TMEM164: variants seen among roughly 807,000 people sequenced by gnomAD.
TMEM164 encodes transmembrane protein 164.
TMEM164 carries 4 observed loss-of-function variants against 18.8 expected under a neutral mutation model. That is an observed-to-expected ratio of 0.21 (90% confidence interval 0.10 to 0.49). TMEM164 has a LOEUF of 0.49. Ranked by LOEUF, TMEM164 falls within the 20% of genes least tolerant of loss-of-function variation. TMEM164 has a pLI of 0.98. For synonymous variants in TMEM164, 86 were observed against 101.7 expected, an observed-to-expected ratio of 0.85 and a Z score of 0.93; for missense variants, 108 against 239.9, an observed-to-expected ratio of 0.45 and a Z score of 3.63.
At chrX:110,084,589 C>T (rs1200114835) in intron 3 of TMEM164, among the ~76,000 whole-genome samples, 1 of 101,540 alleles carries the variant, frequency 9.8e-6, no homozygotes, top group Admixed American at 1.1e-4. Context: ...TGCAGTGAGC[C>T]GAGATTGTGC....
chrX:110,109,504 C>T (rs776531504), intron 4 of TMEM164, among the ~76,000 whole-genome samples: 7 of 111,918 alleles, frequency 6.3e-5, no homozygotes, highest in African/African-American at 1.6e-4. Context: ...GGCGACAGAG[C>T]GAGACTCGGT....
intron 3 of TMEM164, among the ~76,000 whole-genome samples, chrX:110,084,032 G>A (rs2065796736): frequency 9.0e-6 from 1 of 110,884 alleles, no homozygotes; most frequent in Admixed American, 9.8e-5. Flanking sequence ...AGCAGTACTA[G>A]CAGGAGTCCT....
chrX:110,132,150 C>A lies in TMEM164; in HGVS notation c.508-12648C>A, dbSNP rs542790406. On this transcript the variant is annotated intron_variant, in intron 4 of 6. Transcript: ENST00000372068. ...CCATAGGCAAATTATTTCACTGAAA[C>A]CCTATCCCTTTTTCTTTTAAAATGG... 3.1e-4 allele frequency among the ~76,000 whole-genome samples: 35 copies of A among 112,211 alleles called. 1 individual carries two copies. In the East Asian group the frequency reaches 9.2e-3, roughly 30 times the overall value.
At chrX:110,032,414 A>G (rs1934557316) in intron 2 of TMEM164, among the ~76,000 whole-genome samples, 1 of 111,588 alleles carries the variant, frequency 9.0e-6, no homozygotes, top group Non-Finnish European at 1.9e-5. Flanking sequence ...AACTGACACA[A>G]TGGTATCCTG....
At chrX:110,022,893 G>A (rs186597344) in intron 2 of TMEM164, among the ~76,000 whole-genome samples, 56 of 112,120 alleles carry the variant, frequency 5.0e-4, no homozygotes, top group African/African-American at 1.5e-3. Flanking sequence ...GTTCAAGCCC[G>A]TCGTTTTGCA....
chrX:110,171,179 G>T (rs776543966), intron 5 of TMEM164, among the ~76,000 whole-genome samples: 1 of 111,928 alleles, frequency 8.9e-6, no homozygotes, highest in Non-Finnish European at 1.9e-5. Context: ...CCACTTTTAT[G>T]ATTAAAAAAA....
intron 5 of TMEM164, among the ~76,000 whole-genome samples, chrX:110,164,650 T>C (rs58437614): frequency 0.051 from 5,647 of 110,247 alleles, 365 homozygotes; most frequent in African/African-American, 0.18. Flanking sequence ...TAACAAGAAA[T>C]CTGATGAGTG....
intron 5 of TMEM164, 52 bp from the exon 6 acceptor site, chrX:110,171,368 G>T: frequency 1.1e-6 from 1 of 943,124 alleles, no homozygotes; most frequent in Non-Finnish European, 1.5e-6. Flanking sequence ...ATGGTACAAA[G>T]GTGAAGTGGG....
intron 4 of TMEM164, among the ~76,000 whole-genome samples, chrX:110,126,172 G>A (rs755327505): frequency 4.8e-5 from 4 of 83,648 alleles, no homozygotes; most frequent in African/African-American, 2.0e-4. Flanking sequence ...TGCCTGGTTC[G>A]TCTCTGCTGC....
intron 2 of TMEM164, among the ~76,000 whole-genome samples, chrX:110,050,080 A>G (rs1252345559): frequency 2.7e-5 from 3 of 111,946 alleles, no homozygotes; most frequent in African/African-American, 9.8e-5. Context: ...CAAACCATCA[A>G]TGCTTTGCCC....
chrX:110,109,244 G>A (rs770257327), intron 4 of TMEM164, 98 bp downstream of exon 4: 66 of 843,588 alleles, frequency 7.8e-5, no homozygotes, highest in African/African-American at 6.4e-4. Flanking sequence ...CTGGCCAGGC[G>A]CGGTGGCTCA....
intron 2 of TMEM164, among the ~76,000 whole-genome samples, chrX:110,022,065 G>A (rs1933905468): frequency 9.0e-6 from 1 of 111,574 alleles, no homozygotes; most frequent in Non-Finnish European, 1.9e-5. Context: ...TTAGATAATT[G>A]ATTACACTTG....
rs920558198 is a variant in TMEM164, at chrX:110,064,698, G to A, written c.391-2649G>A. Among the ~76,000 whole-genome samples the A allele has an allele frequency of 1.5e-4, 16 of 110,332 alleles. No individual in the cohort carries two copies. In the Admixed American group the frequency reaches 1.5e-3, roughly 10 times the overall value. On this transcript the variant is annotated intron_variant, in intron 2 of 6. Coordinates refer to ENST00000372068, the MANE Select transcript of TMEM164 (RefSeq NM_032227.4). ...GCAGATTTGAAAAAGGACCCTAGAG[G>A]CCAGGCACAGTGATAAACCTGTAAT...
intron 2 of TMEM164, among the ~76,000 whole-genome samples, chrX:110,017,562 T>C (rs1487149475): frequency 3.9e-5 from 3 of 77,789 alleles, no homozygotes. Context: ...TTCCTTCCTT[T>C]CTTTCTTTCA....
At chrX:110,013,897 T>C (rs1045382166) in intron 2 of TMEM164, among the ~76,000 whole-genome samples, 1 of 111,485 alleles carries the variant, frequency 9.0e-6, no homozygotes, top group Non-Finnish European at 1.9e-5. Flanking sequence ...AAGATCATAG[T>C]GGTGTATTGG....
At chrX:110,012,329 T>C (rs146086718) in intron 2 of TMEM164, among the ~76,000 whole-genome samples, 3,776 of 112,031 alleles carry the variant, frequency 0.034, 154 homozygotes, top group African/African-American at 0.12. Context: ...TAATTCAAAA[T>C]GCCCATCTCA....
chrX:110,100,151 T>A (rs981317847), intron 3 of TMEM164, among the ~76,000 whole-genome samples: 3 of 111,549 alleles, frequency 2.7e-5, no homozygotes, highest in African/African-American at 6.5e-5. Flanking sequence ...CAGTTTTACT[T>A]CTTCCTTTTC....
At chrX:110,016,845 T>G (rs1410804455) in intron 2 of TMEM164, among the ~76,000 whole-genome samples, 3 of 110,601 alleles carry the variant, frequency 2.7e-5, no homozygotes, top group Non-Finnish European at 5.7e-5. Context: ...TTTGTAGAGA[T>G]GGGGTCTTGC....
rs192299730 is a variant in TMEM164, at chrX:110,150,607, G to A, written c.586+5731G>A. On this transcript the variant is annotated intron_variant, in intron 5 of 6. Transcript: ENST00000372068. Reference sequence around the variant, plus strand: ...ATATAGTTCCCTGCTACAACTCCACGAGTAACTACTATTTTTGGTTTTTGT... The same window carrying A: ...ATATAGTTCCCTGCTACAACTCCACAAGTAACTACTATTTTTGGTTTTTGT... Among the ~76,000 whole-genome samples, 312 of 112,254 alleles carry A rather than the reference G, an allele frequency of 2.8e-3. 1 individual carries two copies. The highest frequency in any genetic ancestry group is 0.014 in the Middle Eastern group (3 of 216).
Sources: allele counts gnomAD v4.1 joint callset (sites outside exome capture counted in the v4.1 genomes callset), GRCh38; gene constraint gnomAD v4.1.1; transcripts MANE v1.5; gene names NCBI Gene and HGNC (gene_info 2026-07-23, HGNC 2026-07-21).